Variants in TLN2 observed in about 807,000 individuals in gnomAD.
TLN2 encodes talin-2.
TLN2 carries 118 observed loss-of-function variants against 294.7 expected under a neutral mutation model. The observed-to-expected ratio is 0.40, with a 90% CI of 0.34 to 0.47. The LOEUF is 0.47. Ranked by LOEUF, TLN2 falls within the 20% of genes least tolerant of loss-of-function variation. The pLI is 0.84. For synonymous variants in TLN2, 1,431 were observed against 1,304.5 expected, an observed-to-expected ratio of 1.10 and a Z score of -2.09; for missense variants, 3,083 against 3,282.2, an observed-to-expected ratio of 0.94 and a Z score of 1.48.
intron 54 of TLN2, chr15:62,828,772 G>A (rs910246659): frequency 6.6e-6 from 1 of 152,186 alleles, no homozygotes; most frequent in Non-Finnish European, 1.5e-5. Flanking sequence ...CTGGAACTTG[G>A]GAAATGCATT....
chr15:62,767,089 G>T (rs534572864), intron 41 of TLN2, among the ~76,000 whole-genome samples: 1 of 152,144 alleles, frequency 6.6e-6, no homozygotes, highest in Non-Finnish European at 1.5e-5. Context: ...GGGTTTCCTA[G>T]CATTTTATCA....
rs185637252 is a variant in TLN2, at chr15:62,616,953, A to G, written c.-161-1398A>G. ...GTGATCCTTCCCATCTGGCCTGGCT[A>G]TGACAGAGTGGAAGGTGGTGTCTGC... On this transcript the variant is annotated intron_variant, in intron 2 of 58. Coordinates refer to ENST00000636159, the MANE Select transcript of TLN2 (RefSeq NM_015059.3). Among the ~76,000 whole-genome samples the G allele has an allele frequency of 2.6e-5, 4 of 152,222 alleles. No individual in the cohort carries two copies. In the East Asian group the frequency reaches 7.7e-4, roughly 29 times the overall value.
chr15:62,505,009 T>C (rs530271342), intron 1 of TLN2, among the ~76,000 whole-genome samples: 1 of 152,192 alleles, frequency 6.6e-6, no homozygotes, highest in South Asian at 2.1e-4. Context: ...CAGGCTGGAG[T>C]GTAGTGGCGC....
At chr15:62,640,383 G>A (rs763462452) in intron 3 of TLN2, 5 of 456,690 alleles carry the variant, frequency 1.1e-5, no homozygotes, top group Non-Finnish European at 1.8e-5. Flanking sequence ...AGAGAAGAGG[G>A]GGACGGTGGC....
At chr15:62,742,600 G>T (rs959884873) in intron 32 of TLN2, among the ~76,000 whole-genome samples, 1 of 152,014 alleles carries the variant, frequency 6.6e-6, no homozygotes, top group East Asian at 1.9e-4. Context: ...CCCTGGTGGT[G>T]GCTTCGAAGA....
intron 3 of TLN2, among the ~76,000 whole-genome samples, chr15:62,646,572 C>T (rs1166879907): frequency 6.6e-6 from 1 of 152,230 alleles, no homozygotes; most frequent in Non-Finnish European, 1.5e-5. Context: ...AGACCCCAAT[C>T]ACGTGAAGCT....
intron 1 of TLN2, among the ~76,000 whole-genome samples, chr15:62,589,107 C>G (rs974092246): frequency 6.6e-6 from 1 of 152,008 alleles, no homozygotes; most frequent in African/African-American, 2.4e-5. Context: ...CTCACACAGG[C>G]GCCTGTTCCT....
At chr15:62,657,680 A>G (rs985131495) in intron 8 of TLN2, 91 bp from the exon 9 acceptor site, 9 of 1,517,888 alleles carry the variant, frequency 5.9e-6, no homozygotes, top group Non-Finnish European at 7.9e-6. Context: ...CCTGCTCCAC[A>G]GAGGGTGTAC....
At chr15:62,481,655 C>T (rs1421814574) in intron 1 of TLN2, among the ~76,000 whole-genome samples, 1 of 152,132 alleles carries the variant, frequency 6.6e-6, no homozygotes, top group Non-Finnish European at 1.5e-5. Flanking sequence ...GCCTCTACAC[C>T]CAGCCAAGAA....
Position 62,673,818 on chromosome 15 carries a change from C to G in TLN2, c.789-9C>G. On this transcript the variant is annotated splice_polypyrimidine_tract_variant and intron_variant, in intron 9 of 58. Transcript: ENST00000636159. ...AAATGCCTTTCCTTTTTAAATGTCT[C>G]TCTCTTAGTCTGAAGGAATTCCTGC... 1 of 1,609,190 alleles carries G rather than the reference C, an allele frequency of 6.2e-7. No homozygotes were observed. Among genetic ancestry groups the G allele is most frequent in the Non-Finnish European group, 8.5e-7 (1 of 1,177,124 alleles).
chr15:62,698,788 A>G lies in TLN2; in HGVS notation c.1508A>G (p.Asn503Ser), dbSNP rs772617298. The G allele has an allele frequency of 8.7e-6, 14 of 1,612,256 alleles. No homozygotes were observed. Among genetic ancestry groups the G allele is most frequent in the Non-Finnish European group, 1.1e-5 (13 of 1,180,000 alleles). ...SAQQALMGTINTSMHAVQQAQ... is the reference protein window; with the variant it reads ...SAQQALMGTISTSMHAVQQAQ... ...CAGCAGGCCCTGATGGGGACCATCA[A>G]CACAAGCATGCACGCCGTCCAGCAG... Residue 503 changes from asparagine to serine, a missense_variant, in exon 16 of 59, where the codon AAC becomes AGC. Asn to Ser is a conservative substitution (Grantham distance 46). Transcript: ENST00000636159.
At chr15:62,606,319 G>T (rs994203558) in intron 2 of TLN2, among the ~76,000 whole-genome samples, 2 of 148,640 alleles carry the variant, frequency 1.3e-5, no homozygotes, top group Non-Finnish European at 3.0e-5. Context: ...TCGAATTCCT[G>T]ACCTCAGGCG....
At chr15:62,740,824 C>T (rs2061283033) in intron 32 of TLN2, 55 bp downstream of exon 32, 1 of 1,603,660 alleles carries the variant, frequency 6.2e-7, no homozygotes, top group Non-Finnish European at 8.5e-7. Context: ...TCATTGCAGT[C>T]TGAAGATGTG....
At chr15:62,752,218 G>A in intron 34 of TLN2, 87 bp from the exon 35 acceptor site, 12 of 1,504,150 alleles carry the variant, frequency 8.0e-6, no homozygotes, top group Non-Finnish European at 1.1e-5. Context: ...AAGTTGCCTT[G>A]AATATTAAAG....
rs1415634375 is a variant in TLN2 at position 62,763,634 on chromosome 15, A to T, written c.5033A>T (p.Glu1678Val). ...ATCAACCGGTGCATCCGGGACATCG[A>T]GCAGGCCTCGCTGGCCGCCGTCAGC... is the stretch of plus-strand genomic sequence containing the variant. ...DGINRCIRDI[E>V]QASLAAVSQS... Residue 1678 changes from glutamate to valine, a missense_variant, in exon 40 of 59, where the codon GAG becomes GTG. By Grantham distance (121) the Glu-to-Val change is moderately radical. Transcript: ENST00000636159. 1 of 1,613,574 alleles carries T rather than the reference A, an allele frequency of 6.2e-7. No homozygotes were observed. The highest frequency in any genetic ancestry group is 8.5e-7 in the Non-Finnish European group (1 of 1,179,872).
At chr15:62,505,214 C>T (rs562699042) in intron 1 of TLN2, among the ~76,000 whole-genome samples, 1 of 152,268 alleles carries the variant, frequency 6.6e-6, no homozygotes, top group East Asian at 1.9e-4. Context: ...ACCTCGGCCT[C>T]CCAAAGTGCT....
intron 52 of TLN2, among the ~76,000 whole-genome samples, chr15:62,810,233 T>G (rs1445969529): frequency 6.6e-6 from 1 of 152,150 alleles, no homozygotes; most frequent in East Asian, 1.9e-4. Context: ...TGGACGAAGT[T>G]GCAGTTAGAA....
rs2063391111 is a variant in TLN2, at chr15:62,772,241, A to G, written c.5367+1107A>G. Among the ~76,000 whole-genome samples, 3 of 152,146 alleles carry G rather than the reference A, an allele frequency of 2.0e-5. No homozygotes were observed. In the South Asian group the frequency reaches 6.2e-4, roughly 32 times the overall value. Reference sequence around the variant, plus strand: ...CAAGTACCTGGAATTATAGGTGCAAACCACAGCACCCAGCTTGGACTTAAC... The same window carrying G: ...CAAGTACCTGGAATTATAGGTGCAAGCCACAGCACCCAGCTTGGACTTAAC... On this transcript the variant is annotated intron_variant, in intron 42 of 58. Coordinates refer to ENST00000636159, the MANE Select transcript of TLN2 (RefSeq NM_015059.3).
At chr15:62,472,235 C>T (rs2037521128) in intron 1 of TLN2, among the ~76,000 whole-genome samples, 1 of 152,062 alleles carries the variant, frequency 6.6e-6, no homozygotes, top group African/African-American at 2.4e-5. Context: ...CTCCCCACAC[C>T]ACCTATCTGA....
Sources: allele counts gnomAD v4.1 joint callset (sites outside exome capture counted in the v4.1 genomes callset), GRCh38; gene constraint gnomAD v4.1.1; transcripts MANE v1.5; gene names NCBI Gene and HGNC (gene_info 2026-07-23, HGNC 2026-07-21).